Variants in NPRL3 observed in about 807,000 individuals in gnomAD.
The protein encoded by NPRL3 is GATOR1 complex protein NPRL3.
A neutral mutation model predicts 57.2 loss-of-function variants in NPRL3; 23 were observed. The observed-to-expected ratio is 0.40, with a 90% CI of 0.29 to 0.57. The LOEUF is 0.57. NPRL3 is among the 20% of genes least tolerant of loss of function. NPRL3 has a pLI of 0.42. For synonymous variants in NPRL3, 333 were observed against 321.1 expected (o/e 1.04, Z -0.39); for missense variants, 691 against 767.1 (o/e 0.90, Z 1.17).
In NPRL3 at chr16:112,722, G is replaced by T. The variant is rs367592989; in HGVS notation, c.447C>A (p.Ile149=). The change falls in exon 6 of 14, where the codon ATC becomes ATA. Residue 149 remains isoleucine, a synonymous_variant. Coordinates refer to ENST00000611875, the MANE Select transcript of NPRL3 (RefSeq NM_001077350.3). The part of the protein sequence containing the change: ...INCLHNLSRR[I]ATVLQHEERR... ...GCTCCTCGTGCTGCAGCACGGTGGC[G>T]ATACGACGGGACAGGTTATGCAGAC... The T allele has an allele frequency of 1.9e-6, 3 of 1,612,110 alleles. No individual in the cohort carries two copies. The highest frequency in any genetic ancestry group is 1.7e-5 in the Admixed American group (1 of 59,866).
intron 3 of NPRL3, among the ~76,000 whole-genome samples, chr16:122,017 C>T (rs13336074): frequency 0.071 from 10,819 of 151,758 alleles, 689 homozygotes; most frequent in African/African-American, 0.17. Flanking sequence ...TCAGGTGATC[C>T]GCCCGCCTCG....
At chr16:118,377 G>A (rs1443554267) in intron 4 of NPRL3, among the ~76,000 whole-genome samples, 3 of 152,176 alleles carry the variant, frequency 2.0e-5, no homozygotes, top group African/African-American at 7.2e-5. Flanking sequence ...AGAACATATA[G>A]AGAGGGTTTA....
intron 9 of NPRL3, among the ~76,000 whole-genome samples, chr16:95,809 A>G (rs570257993): frequency 7.5e-4 from 114 of 152,154 alleles, no homozygotes; most frequent in African/African-American, 2.6e-3. Context: ...GGCTTAGGCA[A>G]TCCTCCTGCC....
intron 9 of NPRL3, among the ~76,000 whole-genome samples, chr16:95,378 C>T (rs1015306884): frequency 4.8e-5 from 5 of 104,212 alleles, no homozygotes; most frequent in East Asian, 3.0e-4. Context: ...CACACACACA[C>T]ACACACAATA....
intron 5 of NPRL3, among the ~76,000 whole-genome samples, chr16:116,754 C>A (rs769944991): frequency 1.4e-5 from 2 of 146,654 alleles, no homozygotes; most frequent in Non-Finnish European, 3.0e-5. Context: ...CCTAAGGTCA[C>A]GAGTTCAAGA....
chr16:128,146 C>T (rs1416952964), intron 3 of NPRL3, among the ~76,000 whole-genome samples: 1 of 152,128 alleles, frequency 6.6e-6, no homozygotes, highest in Non-Finnish European at 1.5e-5. Flanking sequence ...CATGTGCTCC[C>T]ATGCCCGACA....
In NPRL3 at chr16:98,067, G is replaced by T. The variant is rs369301957; in HGVS notation, c.924+78C>A. 4.5e-5 allele frequency: 69 copies of T among 1,534,144 alleles called. No individual in the cohort carries two copies. In the East Asian group the frequency reaches 4.5e-4, roughly 10 times the overall value. The stretch of plus-strand genomic sequence containing the variant: ...TCAGCTGGACACAGCCCCTGTGGAT[G>T]TACTGTGGCAGGCGGCCTGCCTTTC... On this transcript the variant is annotated intron_variant, in intron 9 of 13. Transcript: ENST00000611875.
At position 86,320 on chromosome 16, in the gene NPRL3, G is replaced by A. The variant is rs569176526; in HGVS notation, c.*385C>T. On this transcript the variant is annotated 3_prime_UTR_variant, in exon 14 of 14. Transcript: ENST00000611875. ...GTGTTTCTGCACATTCTTCAGGGTG[G>A]CCACAGACTGGGGGGTCCAAGGAGC... is the stretch of plus-strand genomic sequence containing the variant. 63 of 211,100 alleles carry A rather than the reference G, an allele frequency of 3.0e-4. No homozygotes were observed. The highest frequency in any genetic ancestry group is 5.1e-4 in the Non-Finnish European group (53 of 104,198). The allele number at this position is 211,100 out of a possible 1,614,324, so 13.1% of individuals were successfully genotyped here.
At chr16:91,291 T>C (rs1898753954) in intron 11 of NPRL3, among the ~76,000 whole-genome samples, 2 of 152,270 alleles carry the variant, frequency 1.3e-5, no homozygotes, top group East Asian at 1.9e-4. Context: ...AGGCAGGAGA[T>C]TGCTTGAACC....
At chr16:100,800 G>A (rs377477887) in intron 7 of NPRL3, among the ~76,000 whole-genome samples, 23 of 147,076 alleles carry the variant, frequency 1.6e-4, no homozygotes, top group South Asian at 2.2e-4. Flanking sequence ...GTGAAACCCC[G>A]TCTCTACTAA....
intron 7 of NPRL3, among the ~76,000 whole-genome samples, chr16:105,616 C>A (rs530383430): frequency 6.6e-6 from 1 of 152,334 alleles, no homozygotes; most frequent in East Asian, 1.9e-4. Flanking sequence ...CTGGACATCA[C>A]TCCCCACCAC....
chr16:97,143 A>C (rs1213334365), intron 9 of NPRL3, among the ~76,000 whole-genome samples: 1 of 152,210 alleles, frequency 6.6e-6, no homozygotes, highest in Non-Finnish European at 1.5e-5. Context: ...ACCCTCAGGC[A>C]GTATTTCAAT....
At chr16:87,936 C>T (rs994080351) in intron 13 of NPRL3, among the ~76,000 whole-genome samples, 3 of 150,770 alleles carry the variant, frequency 2.0e-5, no homozygotes, top group African/African-American at 7.3e-5. Context: ...CTTTCTGCAA[C>T]TCAGGCTGGC....
chr16:100,624 G>C (rs1272528824), intron 7 of NPRL3, 115 bp from the exon 8 acceptor site: 1 of 1,049,048 alleles, frequency 9.5e-7, no homozygotes, highest in Admixed American at 4.0e-5. Flanking sequence ...GAAACTGCAG[G>C]TGGAGACCCG....
At chr16:113,937 G>A (rs1346187969) in intron 5 of NPRL3, among the ~76,000 whole-genome samples, 1 of 152,180 alleles carries the variant, frequency 6.6e-6, no homozygotes, top group Non-Finnish European at 1.5e-5. Context: ...CCAGAGAAAG[G>A]ACTGTTGCTC....
At chr16:87,756 G>C (rs1220545764) in intron 13 of NPRL3, among the ~76,000 whole-genome samples, 1 of 150,466 alleles carries the variant, frequency 6.6e-6, no homozygotes, top group Non-Finnish European at 1.5e-5. Flanking sequence ...TTTTTTAGTA[G>C]AGACGGGGTT....
In NPRL3 at chr16:138,281, C is replaced by CGGGGCCGGGGGCGGAG. The variant is rs1901215511; in HGVS notation, c.-30_-15dup. The CGGGGCCGGGGGCGGAG allele has an allele frequency of 6.3e-7, 1 of 1,580,842 alleles. No homozygotes were observed. Among genetic ancestry groups the CGGGGCCGGGGGCGGAG allele is most frequent in the African/African-American group, 1.4e-5 (1 of 73,114 alleles). ...GTTGTCCCGCATCCCGCCGTGGGGC[C>CGGGGCCGGGGGCGGAG]GGGGCCGGGGGCGGAGGGGGCCAGA... On this transcript the variant is annotated 5_prime_UTR_variant, in exon 2 of 14. Transcript: ENST00000611875.
intron 2 of NPRL3, among the ~76,000 whole-genome samples, chr16:133,399 T>C (rs1039000297): frequency 4.6e-5 from 7 of 151,460 alleles, no homozygotes; most frequent in African/African-American, 1.7e-4. Flanking sequence ...CTAATTTTTG[T>C]ATTTTTTTTT....
chr16:95,350 T>TACACACACACACAC (rs142854412), intron 9 of NPRL3, among the ~76,000 whole-genome samples: 4 of 110,988 alleles, frequency 3.6e-5, no homozygotes, highest in African/African-American at 1.5e-4. Flanking sequence ...TATATATATA[T>TACACACACACACAC]ACACACACAC....
Sources: allele counts gnomAD v4.1 joint callset (sites outside exome capture counted in the v4.1 genomes callset), GRCh38; gene constraint gnomAD v4.1.1; transcripts MANE v1.5; gene names NCBI Gene and HGNC (gene_info 2026-07-23, HGNC 2026-07-21).